The following XRCC4 variants were observed in gnomAD, a reference collection of about 807,000 sequenced individuals.
XRCC4 encodes DNA repair protein XRCC4.
In XRCC4, 28 loss-of-function variants were observed where a neutral mutation model predicts 39.1. The ratio of observed to expected loss-of-function variants is 0.72; its 90% CI spans 0.53 to 0.98. The LOEUF is 0.98. XRCC4 is among the 50% of genes least tolerant of loss of function. The pLI is 0.00. For synonymous variants in XRCC4, 123 were observed against 126.4 expected (o/e 0.97, Z 0.18); for missense variants, 350 against 376.4 (o/e 0.93, Z 0.58).
chr5:83,328,705 A>C (rs1177400665), intron 7 of XRCC4, among the ~76,000 whole-genome samples: 1 of 152,144 alleles, frequency 6.6e-6, no homozygotes, highest in Admixed American at 6.6e-5. Context: ...AATTCTGAAG[A>C]AGAATAAAGT....
In XRCC4 at chr5:83,238,306, A is replaced by G. The variant is rs368710182; in HGVS notation, c.746-20224A>G. 3.0e-4 allele frequency among the ~76,000 whole-genome samples: 45 copies of G among 152,358 alleles called. No homozygotes were observed. In the South Asian group the frequency reaches 9.1e-3, roughly 31 times the overall value. ...TGTATGATTTACCTTATTACCTACTAGTGGCAGTCCTCAGAAAATGAGATC... is the reference window on the plus strand; with the variant it reads ...TGTATGATTTACCTTATTACCTACTGGTGGCAGTCCTCAGAAAATGAGATC... On this transcript the variant is annotated intron_variant, in intron 6 of 7. Coordinates refer to ENST00000396027, the MANE Select transcript of XRCC4 (RefSeq NM_003401.5).
At chr5:83,295,043 G>A (rs1755047445) in intron 7 of XRCC4, among the ~76,000 whole-genome samples, 1 of 152,032 alleles carries the variant, frequency 6.6e-6, no homozygotes, top group South Asian at 2.1e-4. Flanking sequence ...ATTAGTAAAT[G>A]CTAAATAAGG....
intron 6 of XRCC4, among the ~76,000 whole-genome samples, chr5:83,239,820 C>T (rs1333699147): frequency 6.7e-6 from 1 of 149,166 alleles, no homozygotes; most frequent in Non-Finnish European, 1.5e-5. Flanking sequence ...CAGAGCAAGA[C>T]TCTGTCTCAA....
rs1168884470 is a variant in XRCC4, at chr5:83,275,380, C to T, written c.893+16703C>T. ...CGGGATCTCGGCTCACTGCAAGCTC[C>T]GCCTCCCGGGTTCACGCCATTCTCC... On this transcript the variant is annotated intron_variant, in intron 7 of 7. Transcript: ENST00000396027. Among the ~76,000 whole-genome samples, 10 of 150,502 alleles carry T rather than the reference C, an allele frequency of 6.6e-5. No individual in the cohort carries two copies. In the East Asian group the frequency reaches 1.4e-3, roughly 21 times the overall value.
intron 3 of XRCC4, among the ~76,000 whole-genome samples, chr5:83,144,146 A>G (rs1374174272): frequency 6.6e-6 from 1 of 152,126 alleles, no homozygotes; most frequent in African/African-American, 2.4e-5. Flanking sequence ...TGTAAGTGAG[A>G]ACATGAAGTA....
chr5:83,272,957 GGGTC>G (rs1406977893), intron 7 of XRCC4, among the ~76,000 whole-genome samples: 1 of 152,112 alleles, frequency 6.6e-6, no homozygotes, highest in Non-Finnish European at 1.5e-5. Context: ...TGAGATTGCT[GGGTC>G]AAATGGTATT....
In XRCC4 at chr5:83,211,010, G is replaced by A. The variant is rs1048675734; in HGVS notation, c.745+6089G>A. ...GACAAAAATTATTTTAATGTTATTTGTCTCTGACTATGGATGAGTGAGAAA... is the reference window on the plus strand; with the variant it reads ...GACAAAAATTATTTTAATGTTATTTATCTCTGACTATGGATGAGTGAGAAA... On this transcript the variant is annotated intron_variant, in intron 6 of 7. Transcript: ENST00000396027. Among the ~76,000 whole-genome samples the A allele has an allele frequency of 2.0e-5, 3 of 152,160 alleles. No homozygotes were observed. The East Asian group carries it at 5.8e-4, about 29-fold the overall frequency.
intron 7 of XRCC4, among the ~76,000 whole-genome samples, chr5:83,260,544 T>C (rs1398568837): frequency 1.3e-5 from 2 of 152,082 alleles, no homozygotes; most frequent in Non-Finnish European, 2.9e-5. Context: ...TTTCACTCTA[T>C]GTGTGAACCA....
chr5:83,272,445 T>G (rs906069069), intron 7 of XRCC4, among the ~76,000 whole-genome samples: 1 of 152,170 alleles, frequency 6.6e-6, no homozygotes, highest in East Asian at 1.9e-4. Flanking sequence ...CTGGGGTACA[T>G]GTGCGGAACA....
At chr5:83,239,716 C>T (rs1237905389) in intron 6 of XRCC4, among the ~76,000 whole-genome samples, 1 of 151,928 alleles carries the variant, frequency 6.6e-6, no homozygotes, top group Non-Finnish European at 1.5e-5. Context: ...GTAGTCCCAG[C>T]TACTCGGGAG....
intron 3 of XRCC4, among the ~76,000 whole-genome samples, chr5:83,176,579 A>G (rs1749966805): frequency 6.6e-6 from 1 of 151,966 alleles, no homozygotes; most frequent in Admixed American, 6.6e-5. Context: ...GCAAAGATAT[A>G]TGTATTTAGA....
Position 83,340,265 on chromosome 5 carries a change from C to T in XRCC4, c.894-12866C>T, listed in dbSNP as rs970942989. Reference sequence around the variant, plus strand: ...TTGGGCCCTAATAACAAAGTTAAGACTAGAGTGGTAGAATAGTAAACCACC... The same window carrying T: ...TTGGGCCCTAATAACAAAGTTAAGATTAGAGTGGTAGAATAGTAAACCACC... On this transcript the variant is annotated intron_variant, in intron 7 of 7. Coordinates refer to ENST00000396027, the MANE Select transcript of XRCC4 (RefSeq NM_003401.5). Among the ~76,000 whole-genome samples, 22 of 6,860 alleles carry T rather than the reference C, an allele frequency of 3.2e-3. No homozygotes were observed. The Admixed American group carries it at 0.059, about 19-fold the overall frequency. 4.5% of individuals were successfully genotyped at this position (6,860 alleles called of 152,430 possible). A position where few individuals can be genotyped will look rare whatever the true frequency, so the allele number is the denominator to read the frequency against.
intron 7 of XRCC4, among the ~76,000 whole-genome samples, chr5:83,299,926 C>T (rs889752765): frequency 6.6e-6 from 1 of 152,064 alleles, no homozygotes; most frequent in Non-Finnish European, 1.5e-5. Flanking sequence ...TGCTTTGCCT[C>T]TTTATGAGTG....
chr5:83,251,988 G>A (rs1407199157), intron 6 of XRCC4, among the ~76,000 whole-genome samples: 1 of 152,170 alleles, frequency 6.6e-6, no homozygotes, highest in Non-Finnish European at 1.5e-5. Context: ...TTGATAAATG[G>A]CATGGAAAAA....
At chr5:83,147,650 T>C (rs1748519803) in intron 3 of XRCC4, among the ~76,000 whole-genome samples, 1 of 151,198 alleles carries the variant, frequency 6.6e-6, no homozygotes, top group South Asian at 2.1e-4. Flanking sequence ...ACAGGGACTA[T>C]AGAAATAACA....
At chr5:83,362,942 C>G in the XRCC4 span, among the ~76,000 whole-genome samples, 1 of 152,214 alleles carries the variant, frequency 6.6e-6, no homozygotes. Flanking sequence ...ATTTATTGAA[C>G]ACTTTGTGCC....
chr5:83,173,751 A>G (rs1749830990), intron 3 of XRCC4, among the ~76,000 whole-genome samples: 1 of 152,192 alleles, frequency 6.6e-6, no homozygotes, highest in Non-Finnish European at 1.5e-5. Context: ...CCAGTTGAGA[A>G]CAACCTAACT....
At chr5:83,366,593 G>A in the XRCC4 span, among the ~76,000 whole-genome samples, 2 of 152,054 alleles carry the variant, frequency 1.3e-5, no homozygotes, top group Non-Finnish European at 2.9e-5. Flanking sequence ...GCACACTCAA[G>A]TAAAAGCCAA....
Position 83,258,686 on chromosome 5 carries a change from T to C in XRCC4, c.893+9T>C. 6.2e-7 allele frequency: 1 copy of C among 1,608,766 alleles called. No homozygotes were observed. The highest frequency in any genetic ancestry group is 8.5e-7 in the Non-Finnish European group (1 of 1,178,202). On this transcript the variant is annotated intron_variant, in intron 7 of 7. Coordinates refer to ENST00000396027, the MANE Select transcript of XRCC4 (RefSeq NM_003401.5). Reference sequence around the variant, plus strand: ...CTTCAAGAAAAGGAAAAGTAAGTCATTTTATTCTTTGCCAAGAAGTGAGAT... The same window carrying C: ...CTTCAAGAAAAGGAAAAGTAAGTCACTTTATTCTTTGCCAAGAAGTGAGAT...
Sources: gnomAD v4.1 joint callset for allele counts (sites outside exome capture counted in the v4.1 genomes callset) on GRCh38, gnomAD v4.1.1 for gene constraint, MANE v1.5 for transcripts, NCBI Gene and HGNC (gene_info 2026-07-23, HGNC 2026-07-21) for gene names.